The following SHB variants were observed in gnomAD, a reference collection of about 807,000 sequenced individuals.
SHB encodes SH2 domain-containing adapter protein B.
A neutral mutation model predicts 52.3 loss-of-function variants in SHB; 20 were observed. That is an observed-to-expected ratio of 0.38 (90% CI 0.27 to 0.56). The LOEUF is 0.56. Ranked by LOEUF, SHB falls within the 20% of genes least tolerant of loss-of-function variation. The pLI, the probability that SHB is intolerant of heterozygous loss-of-function variation, is 0.71. For missense variants in SHB, 825 were observed against 723.3 expected, an observed-to-expected ratio of 1.14 and a Z score of -1.61; for synonymous variants, 397 against 316.5, an observed-to-expected ratio of 1.25 and a Z score of -2.70.
chr9:38,007,793 A>G (rs1821090636), intron 2 of SHB, among the ~76,000 whole-genome samples: 1 of 152,204 alleles, frequency 6.6e-6, no homozygotes, highest in Non-Finnish European at 1.5e-5. Context: ...AAAAGTATGT[A>G]ATATGCTAAA....
At chr9:37,944,021 C>G (rs780475710) in intron 5 of SHB, among the ~76,000 whole-genome samples, 3 of 152,164 alleles carry the variant, frequency 2.0e-5, no homozygotes, top group Non-Finnish European at 4.4e-5. Flanking sequence ...TCAGCTCAAC[C>G]CTTTGCTCCC....
At chr9:37,959,854 C>T (rs953002656) in intron 3 of SHB, among the ~76,000 whole-genome samples, 4 of 152,152 alleles carry the variant, frequency 2.6e-5, no homozygotes, top group Non-Finnish European at 4.4e-5. Flanking sequence ...CCCTGGCTCC[C>T]GGTGAGCCCC....
chr9:37,980,799 T>C (rs1249488406), intron 2 of SHB, among the ~76,000 whole-genome samples: 1 of 152,238 alleles, frequency 6.6e-6, no homozygotes, highest in Non-Finnish European at 1.5e-5. Flanking sequence ...TTAGCAGGCA[T>C]GAAAACAACA....
At position 38,054,690 on chromosome 9, in the gene SHB, T is replaced by C. The variant is rs1336249835; in HGVS notation, c.717+13239A>G. 6.6e-5 allele frequency among the ~76,000 whole-genome samples: 10 copies of C among 152,294 alleles called. No homozygotes were observed. The South Asian group carries it at 1.7e-3, about 25-fold the overall frequency. ...ACAATCGCACATCTGAGGGTCCTTA[T>C]ATGAGAGAAGCAAGGTTAGACTGGT... On this transcript the variant is annotated intron_variant, in intron 1 of 5. Transcript: ENST00000377707.
At chr9:37,961,200 G>A (rs1288301057) in intron 3 of SHB, among the ~76,000 whole-genome samples, 1 of 152,204 alleles carries the variant, frequency 6.6e-6, no homozygotes, top group Non-Finnish European at 1.5e-5. Flanking sequence ...AGCTCAGGGG[G>A]CATCCACACC....
chr9:38,006,484 T>A (rs1008142268), intron 2 of SHB, among the ~76,000 whole-genome samples: 1 of 152,192 alleles, frequency 6.6e-6, no homozygotes, highest in Non-Finnish European at 1.5e-5. Flanking sequence ...AGGACAGGTA[T>A]CTCCATCAGT....
rs143166022 is a variant in SHB, at chr9:38,048,295, G to A, written c.717+19634C>T. 2.1e-3 allele frequency among the ~76,000 whole-genome samples: 317 copies of A among 152,258 alleles called. 2 individuals are homozygous for A. The highest frequency in any genetic ancestry group is 7.2e-3 in the African/African-American group (301 of 41,546). On this transcript the variant is annotated intron_variant, in intron 1 of 5. Coordinates refer to ENST00000377707, the MANE Select transcript of SHB (RefSeq NM_003028.3). ...TTCTACATATGTCGGTGGGAATGCAGTAATTGGAAAAGAATACAAATATTC... is the reference window on the plus strand; with the variant it reads ...TTCTACATATGTCGGTGGGAATGCAATAATTGGAAAAGAATACAAATATTC...
intron 3 of SHB, among the ~76,000 whole-genome samples, chr9:37,959,887 G>A (rs981157764): frequency 6.6e-6 from 1 of 152,146 alleles, no homozygotes; most frequent in African/African-American, 2.4e-5. Context: ...GCTGTATCAT[G>A]TGCCCCTTCC....
intron 5 of SHB, among the ~76,000 whole-genome samples, chr9:37,943,982 T>G (rs75442928): frequency 6.6e-6 from 1 of 152,162 alleles, no homozygotes; most frequent in African/African-American, 2.4e-5. Flanking sequence ...GAAACTGTGT[T>G]AAGAGTTTGA....
At chr9:37,962,512 T>TC (rs1233691942) in intron 3 of SHB, among the ~76,000 whole-genome samples, 1 of 151,266 alleles carries the variant, frequency 6.6e-6, no homozygotes, top group Non-Finnish European at 1.5e-5. Context: ...CATCTTTCTT[T>TC]TTTTTTTTTT....
intron 5 of SHB, among the ~76,000 whole-genome samples, chr9:37,930,632 C>T (rs1380670768): frequency 1.3e-5 from 2 of 152,118 alleles, no homozygotes; most frequent in Non-Finnish European, 2.9e-5. Context: ...GACTCACTAT[C>T]CACAAAGCAC....
At chr9:38,009,047 G>A (rs1013663943) in intron 2 of SHB, among the ~76,000 whole-genome samples, 10 of 152,214 alleles carry the variant, frequency 6.6e-5, no homozygotes, top group South Asian at 2.1e-4. Context: ...CGGCAAATAT[G>A]AGAGGAAGGC....
At chr9:38,008,261 T>C (rs911185422) in intron 2 of SHB, among the ~76,000 whole-genome samples, 1 of 152,168 alleles carries the variant, frequency 6.6e-6, no homozygotes, top group Non-Finnish European at 1.5e-5. Context: ...GAATAGGAAG[T>C]GGCTCCTAGA....
intron 1 of SHB, among the ~76,000 whole-genome samples, chr9:38,063,005 C>A (rs1359821421): frequency 6.6e-6 from 1 of 152,166 alleles, no homozygotes; most frequent in East Asian, 1.9e-4. Context: ...CCCAGTGGGA[C>A]AGTGAGGATT....
At chr9:37,947,750 C>A (rs958520362) in intron 5 of SHB, among the ~76,000 whole-genome samples, 16 of 152,220 alleles carry the variant, frequency 1.1e-4, no homozygotes, top group Admixed American at 3.3e-4. Flanking sequence ...CGTGTCCCTG[C>A]AGGCCGGCTC....
intron 1 of SHB, among the ~76,000 whole-genome samples, chr9:38,029,462 C>T (rs1045223805): frequency 6.6e-6 from 1 of 152,210 alleles, no homozygotes; most frequent in African/African-American, 2.4e-5. Flanking sequence ...CCAAGACCTA[C>T]CCTCATGGGG....
At chr9:37,920,041 C>A in intron 5 of SHB, 37 bp from the exon 6 acceptor site, 2 of 1,561,464 alleles carry the variant, frequency 1.3e-6, no homozygotes, top group Non-Finnish European at 1.8e-6. Context: ...AACTACCCCC[C>A]TGACACTCAG....
At chr9:38,022,557 G>A (rs879327602) in intron 1 of SHB, among the ~76,000 whole-genome samples, 1 of 152,124 alleles carries the variant, frequency 6.6e-6, no homozygotes, top group Admixed American at 6.5e-5. Context: ...GACGTGAGGC[G>A]GCAGCAGCAG....
At chr9:38,062,089 A>G (rs1821901350) in intron 1 of SHB, among the ~76,000 whole-genome samples, 1 of 152,240 alleles carries the variant, frequency 6.6e-6, no homozygotes, top group South Asian at 2.1e-4. Flanking sequence ...GGGATGCAAG[A>G]AGAGTAGCAT....
Sources: gnomAD v4.1 joint callset for allele counts (sites outside exome capture counted in the v4.1 genomes callset) on GRCh38, gnomAD v4.1.1 for gene constraint, MANE v1.5 for transcripts, NCBI Gene and HGNC (gene_info 2026-07-23, HGNC 2026-07-21) for gene names.